Variants in WIPF3 observed in about 807,000 individuals in gnomAD.
WIPF3 encodes the protein WAS/WASL interacting protein family member 3.
Under a neutral mutation model 38.9 loss-of-function variants are expected in WIPF3, and 33 were observed. The observed-to-expected ratio is 0.85, with a 90% CI of 0.64 to 1.14. WIPF3 has a LOEUF of 1.14. WIPF3 is among the 50% of genes most tolerant of loss of function. WIPF3 has a pLI of 0.00. For missense variants in WIPF3, 711 were observed against 652.5 expected (o/e 1.09, Z -0.98); for synonymous variants, 324 against 269.3 (o/e 1.20, Z -1.99).
In WIPF3 at chr7:29,844,707, C is replaced by A. The variant is rs1447404449; in HGVS notation, c.90+9893C>A. Among the ~76,000 whole-genome samples, 1 of 152,190 alleles carries A rather than the reference C, an allele frequency of 6.6e-6. No individual in the cohort carries two copies. Among genetic ancestry groups the A allele is most frequent in the East Asian group, 1.9e-4 (1 of 5,196 alleles). On this transcript the variant is annotated intron_variant, in intron 2 of 8. Coordinates refer to ENST00000242140, the MANE Select transcript of WIPF3 (RefSeq NM_001080529.3). This position sits in a 1 kb window ranked among gnomAD's most constrained non-coding sequence, Gnocchi z 4.8. ...GCATTTACTATGACCTTTGCATTGG[C>A]CTGTGGACTAGCACATAGTAATTGA... is the stretch of plus-strand genomic sequence containing the variant.
intron 7 of WIPF3, among the ~76,000 whole-genome samples, chr7:29,892,510 G>A (rs1364527277): frequency 6.6e-6 from 1 of 152,260 alleles, no homozygotes; most frequent in Non-Finnish European, 1.5e-5. Flanking sequence ...CCCTGCAGTG[G>A]ATGCTGTGGA....
At chr7:29,836,570 G>A (rs1442093727) in intron 2 of WIPF3, among the ~76,000 whole-genome samples, 2 of 152,150 alleles carry the variant, frequency 1.3e-5, no homozygotes, top group Non-Finnish European at 2.9e-5. Context: ...ATTTATGCAA[G>A]GATATGTCCA....
intron 2 of WIPF3, among the ~76,000 whole-genome samples, chr7:29,851,804 T>C (rs1384563069): frequency 1.3e-5 from 2 of 152,134 alleles, no homozygotes; most frequent in African/African-American, 4.8e-5. Flanking sequence ...CTGGGTAACC[T>C]TGGATTTCTG....
chr7:29,808,868 A>C (rs1460473434), intron 1 of WIPF3, among the ~76,000 whole-genome samples: 1 of 152,202 alleles, frequency 6.6e-6, no homozygotes, highest in Non-Finnish European at 1.5e-5. Context: ...AGAATAAAGA[A>C]TATAACCTAG....
intron 1 of WIPF3, among the ~76,000 whole-genome samples, chr7:29,824,550 TAAAAAAA>T (rs398047618): frequency 5.2e-5 from 7 of 135,688 alleles, no homozygotes; most frequent in African/African-American, 1.6e-4. Context: ...GATGTATTTT[TAAAAAAA>T]AAAAAAAGAA....
intron 1 of WIPF3, among the ~76,000 whole-genome samples, chr7:29,826,673 T>G (rs1784621008): frequency 6.6e-6 from 1 of 152,206 alleles, no homozygotes; most frequent in Admixed American, 6.5e-5. Context: ...ATAAACCAAG[T>G]GGTATTGGTT....
Position 29,879,068 on chromosome 7 carries a change from C to T in WIPF3, c.283C>T (p.Pro95Ser), listed in dbSNP as rs766856786. The T allele has an allele frequency of 9.3e-6, 15 of 1,610,448 alleles. No homozygotes were observed. The South Asian group carries it at 1.2e-4, about 13-fold the overall frequency. Residue 95 changes from proline to serine, a missense_variant, in exon 4 of 9, where the codon CCT (proline) becomes TCT (serine). By Grantham distance (74) the Pro-to-Ser change is moderately conservative. Transcript: ENST00000242140. Reference sequence around the variant, plus strand: ...TGCAAACACACGAGGCGCGAGCACACCTCCCACCCTGGGAGATCTGTTTGC... The same window carrying T: ...TGCAAACACACGAGGCGCGAGCACATCTCCCACCCTGGGAGATCTGTTTGC... ...GSANTRGAST[P>S]PTLGDLFAGG... is the part of the protein sequence containing the mutation.
At position 29,901,730 on chromosome 7, in the gene WIPF3, C is replaced by T. The variant is rs183762692; in HGVS notation, c.1352-2556C>T. ...GTGTGCACCTGTAGTCCCAGCTACTCGGGAGGCTGAGGTGACAGGATTGCT... is the reference window on the plus strand; with the variant it reads ...GTGTGCACCTGTAGTCCCAGCTACTTGGGAGGCTGAGGTGACAGGATTGCT... On this transcript the variant is annotated intron_variant, in intron 7 of 8. Transcript: ENST00000242140. Among the ~76,000 whole-genome samples the T allele has an allele frequency of 5.4e-5, 8 of 148,024 alleles. No homozygotes were observed. In the East Asian group the frequency reaches 7.9e-4, roughly 15 times the overall value.
intron 7 of WIPF3, among the ~76,000 whole-genome samples, chr7:29,893,274 C>T (rs1171833958): frequency 6.6e-6 from 1 of 151,550 alleles, no homozygotes. Context: ...GGATTCCTGT[C>T]ATTTATGGTG....
chr7:29,821,904 AT>A (rs1784542394), intron 1 of WIPF3, among the ~76,000 whole-genome samples: 1 of 151,884 alleles, frequency 6.6e-6, no homozygotes, highest in Non-Finnish European at 1.5e-5. Context: ...TTCTGCCATG[AT>A]ATTTTTCATC....
chr7:29,809,798 C>T (rs1017666399), intron 1 of WIPF3, among the ~76,000 whole-genome samples: 3 of 152,296 alleles, frequency 2.0e-5, no homozygotes, highest in East Asian at 1.9e-4. Flanking sequence ...GCAGAGTAAA[C>T]GTGACAAAAA....
At chr7:29,849,397 G>T (rs367889765) in intron 2 of WIPF3, among the ~76,000 whole-genome samples, 1 of 152,154 alleles carries the variant, frequency 6.6e-6, no homozygotes, top group African/African-American at 2.4e-5. Context: ...TGAAACTGTT[G>T]CATTTACTGT....
At chr7:29,809,766 A>G (rs1201936342) in intron 1 of WIPF3, among the ~76,000 whole-genome samples, 1 of 152,238 alleles carries the variant, frequency 6.6e-6, no homozygotes, top group Non-Finnish European at 1.5e-5. Context: ...GCGGTGTTCA[A>G]GTGCCAAGGA....
At chr7:29,834,454 C>G (rs1784767252) in intron 1 of WIPF3, among the ~76,000 whole-genome samples, 1 of 152,112 alleles carries the variant, frequency 6.6e-6, no homozygotes, top group South Asian at 2.1e-4. Context: ...CACCTATTAT[C>G]TCTAGAATCT....
intron 2 of WIPF3, among the ~76,000 whole-genome samples, chr7:29,838,463 A>G: frequency 6.6e-6 from 1 of 152,172 alleles, no homozygotes; most frequent in Non-Finnish European, 1.5e-5. Flanking sequence ...TGTAATAATA[A>G]CCAAAAAGAA....
At chr7:29,834,608 C>T in intron 1 of WIPF3, 60 bp from the exon 2 acceptor site, 1 of 1,323,202 alleles carries the variant, frequency 7.6e-7, no homozygotes, top group Non-Finnish European at 9.9e-7. Context: ...GCAAGATACA[C>T]ATTTCCTGCA....
At chr7:29,836,727 A>G (rs1374731397) in intron 2 of WIPF3, among the ~76,000 whole-genome samples, 3 of 152,312 alleles carry the variant, frequency 2.0e-5, no homozygotes, top group South Asian at 2.1e-4. Context: ...AGTGGCTCAC[A>G]CCTGTTATCC....
intron 8 of WIPF3, among the ~76,000 whole-genome samples, chr7:29,909,118 CAT>C (rs1049013284): frequency 1.3e-5 from 2 of 152,006 alleles, no homozygotes; most frequent in African/African-American, 4.8e-5. Flanking sequence ...GAACATACAA[CAT>C]ACCAAAATTT....
intron 8 of WIPF3, among the ~76,000 whole-genome samples, chr7:29,914,262 A>G (rs1437309193): frequency 6.6e-6 from 1 of 152,144 alleles, no homozygotes. Context: ...TGTTTATAAG[A>G]CAGTATTAGG....
Sources: gnomAD v4.1 joint callset for allele counts (sites outside exome capture counted in the v4.1 genomes callset) on GRCh38, gnomAD v4.1.1 for gene constraint, Gnocchi (gnomAD v3.1) non-coding constraint, MANE v1.5 for transcripts, NCBI Gene and HGNC (gene_info 2026-07-23, HGNC 2026-07-21) for gene names.